Variants in PDS5B observed in about 807,000 individuals in gnomAD.
The protein encoded by PDS5B is PDS5 cohesin associated factor B.
Under a neutral mutation model 184.1 loss-of-function variants are expected in PDS5B, and 51 were observed. The observed-to-expected ratio is 0.28, with a 90% CI of 0.22 to 0.35. PDS5B has a LOEUF of 0.35. PDS5B is among the 10% of genes least tolerant of loss of function. The pLI is 1.00. For synonymous variants in PDS5B, 566 were observed against 569.2 expected, an observed-to-expected ratio of 0.99 and a Z score of 0.08; for missense variants, 1,180 against 1,723.3, an observed-to-expected ratio of 0.68 and a Z score of 5.58.
chr13:32,636,270 G>C (rs2058556998), intron 1 of PDS5B, among the ~76,000 whole-genome samples: 1 of 152,182 alleles, frequency 6.6e-6, no homozygotes, highest in Admixed American at 6.5e-5. Context: ...GAAAATGTGT[G>C]CATGAAAGAG....
intron 20 of PDS5B, 110 bp downstream of exon 20, chr13:32,732,334 T>G: frequency 2.7e-6 from 2 of 739,412 alleles, no homozygotes; most frequent in Non-Finnish European, 2.3e-6. Flanking sequence ...TGTAATATAT[T>G]TTCAGAATTT....
chr13:32,589,861 C>G (rs749630118), intron 1 of PDS5B, among the ~76,000 whole-genome samples: 6 of 152,134 alleles, frequency 3.9e-5, no homozygotes, highest in African/African-American at 7.2e-5. Context: ...GAAGCCCTTT[C>G]CTCACACTGT....
Position 32,775,165 on chromosome 13 carries a change from A to G in PDS5B, c.*113A>G. 2.3e-6 allele frequency: 2 copies of G among 874,964 alleles called. No individual in the cohort carries two copies. The highest frequency in any genetic ancestry group is 3.6e-6 in the Non-Finnish European group (2 of 562,176). 54.2% of individuals were successfully genotyped at this position (874,964 alleles called of 1,614,324 possible). A position where few individuals can be genotyped will look rare whatever the true frequency, so the allele number is the denominator to read the frequency against. ...TTGATGCACAAAATGGGACTGCTGA[A>G]GAGTGGACAGTTGGACCTTACTTTG... On this transcript the variant is annotated 3_prime_UTR_variant, in exon 35 of 35. Coordinates refer to ENST00000315596, the MANE Select transcript of PDS5B (RefSeq NM_015032.4).
chr13:32,759,577 G>A (rs1368085823), intron 28 of PDS5B, 51 bp from the exon 29 acceptor site: 2 of 920,134 alleles, frequency 2.2e-6, no homozygotes, highest in Non-Finnish European at 3.4e-6. Flanking sequence ...TGAACCACCT[G>A]TAGATAGTGT....
chr13:32,757,714 T>C (rs1055390468), intron 26 of PDS5B, among the ~76,000 whole-genome samples: 1 of 152,220 alleles, frequency 6.6e-6, no homozygotes, highest in African/African-American at 2.4e-5. Flanking sequence ...TAGTCAGTCT[T>C]GAGTATCTGA....
intron 1 of PDS5B, among the ~76,000 whole-genome samples, chr13:32,608,282 T>C (rs1377097656): frequency 6.6e-6 from 1 of 152,190 alleles, no homozygotes; most frequent in Non-Finnish European, 1.5e-5. Flanking sequence ...CTCTACCTGA[T>C]ATAACCCCAA....
chr13:32,682,025 A>T (rs1021823049), intron 10 of PDS5B, among the ~76,000 whole-genome samples: 3 of 152,202 alleles, frequency 2.0e-5, no homozygotes, highest in African/African-American at 7.2e-5. Context: ...ACATGCCTCC[A>T]CAAGTTTCTC....
chr13:32,629,258 G>C (rs963760555), intron 1 of PDS5B, among the ~76,000 whole-genome samples: 1 of 151,730 alleles, frequency 6.6e-6, no homozygotes, highest in Middle Eastern at 3.4e-3. Context: ...CGAGTTGTTC[G>C]ATTTTTTTTT....
intron 10 of PDS5B, among the ~76,000 whole-genome samples, chr13:32,680,328 T>G (rs1464318696): frequency 1.3e-5 from 2 of 152,200 alleles, no homozygotes; most frequent in Non-Finnish European, 2.9e-5. Context: ...AGTACATGGT[T>G]GGGTCTGTCA....
intron 25 of PDS5B, among the ~76,000 whole-genome samples, chr13:32,755,450 A>C (rs1954140278): frequency 6.6e-6 from 1 of 152,140 alleles, no homozygotes; most frequent in Admixed American, 6.5e-5. Context: ...AGCAGCTTAC[A>C]AGAGAGTGTT....
chr13:32,594,547 A>T (rs2057828618), intron 1 of PDS5B, among the ~76,000 whole-genome samples: 1 of 152,236 alleles, frequency 6.6e-6, no homozygotes, highest in East Asian at 1.9e-4. Flanking sequence ...ACAAATGGAG[A>T]TTAGTCATGT....
intron 30 of PDS5B, among the ~76,000 whole-genome samples, chr13:32,763,749 G>A (rs1008662664): frequency 6.6e-6 from 1 of 152,136 alleles, no homozygotes; most frequent in African/African-American, 2.4e-5. Flanking sequence ...TTTTGGGGAA[G>A]TGGAAATAAG....
At chr13:32,716,799 G>A (rs1228894194) in intron 19 of PDS5B, among the ~76,000 whole-genome samples, 10 of 89,516 alleles carry the variant, frequency 1.1e-4, no homozygotes, top group Admixed American at 2.4e-4. Context: ...AGGTGGGGGG[G>A]TCAGCCCCCT....
chr13:32,665,519 G>A (rs948710698), intron 6 of PDS5B, among the ~76,000 whole-genome samples: 4 of 138,396 alleles, frequency 2.9e-5, no homozygotes, highest in Non-Finnish European at 6.0e-5. Flanking sequence ...AACCCGGGAG[G>A]CAGAGCTTGC....
At chr13:32,679,004 A>C in intron 10 of PDS5B, 75 bp downstream of exon 10, 1 of 741,238 alleles carries the variant, frequency 1.3e-6, no homozygotes, top group East Asian at 2.7e-5. Flanking sequence ...AGGGGGAAAA[A>C]AAACCCCTTT....
chr13:32,716,633 G>T lies in PDS5B; in HGVS notation c.2123+6527G>T, dbSNP rs1228817591. ...AGGGAGGTGGGGGGGTCAGCCCCCCGCCCGGCCAGCCGCCCCGTTTGGGAG... is the reference window on the plus strand; with the variant it reads ...AGGGAGGTGGGGGGGTCAGCCCCCCTCCCGGCCAGCCGCCCCGTTTGGGAG... On this transcript the variant is annotated intron_variant, in intron 19 of 34. Coordinates refer to ENST00000315596, the MANE Select transcript of PDS5B (RefSeq NM_015032.4). Among the ~76,000 whole-genome samples the T allele has an allele frequency of 5.7e-3, 806 of 141,146 alleles. 9 individuals are homozygous for T. Among genetic ancestry groups the T allele is most frequent in the Admixed American group, 8.7e-3 (125 of 14,380 alleles). The allele number at this position is 141,146 out of a possible 152,430, so 92.6% of individuals were successfully genotyped here. A position where few individuals can be genotyped will look rare whatever the true frequency, so the allele number is the denominator to read the frequency against.
intron 30 of PDS5B, among the ~76,000 whole-genome samples, chr13:32,761,495 A>G (rs1954395790): frequency 6.6e-6 from 1 of 151,928 alleles, no homozygotes; most frequent in Admixed American, 6.6e-5. Context: ...AGTAGTCCGC[A>G]TTGTCTGTTG....
At chr13:32,613,641 T>A (rs897980891) in intron 1 of PDS5B, among the ~76,000 whole-genome samples, 12 of 152,260 alleles carry the variant, frequency 7.9e-5, no homozygotes, top group Non-Finnish European at 1.3e-4. Context: ...ACAAGTGCCT[T>A]ATCATATATA....
intron 21 of PDS5B, among the ~76,000 whole-genome samples, chr13:32,737,470 A>G (rs1277737409): frequency 1.3e-5 from 2 of 152,126 alleles, no homozygotes; most frequent in African/African-American, 2.4e-5. Flanking sequence ...TCACTTTCAG[A>G]ATCATTAATC....
Sources: allele counts gnomAD v4.1 joint callset (sites outside exome capture counted in the v4.1 genomes callset), GRCh38; gene constraint gnomAD v4.1.1; transcripts MANE v1.5; gene names NCBI Gene and HGNC (gene_info 2026-07-23, HGNC 2026-07-21).